MAP2K5: variants seen among roughly 807,000 people sequenced by gnomAD.
MAP2K5 encodes dual specificity mitogen-activated protein kinase kinase 5.
MAP2K5 carries 49 observed loss-of-function variants against 83.1 expected under a neutral mutation model. The ratio of observed to expected loss-of-function variants is 0.59; its 90% CI spans 0.47 to 0.75. MAP2K5 has a LOEUF of 0.75. Among genes scored for constraint, MAP2K5 ranks in the 30% least tolerant of loss-of-function variants. MAP2K5 has a pLI of 0.00. For synonymous variants in MAP2K5, 202 were observed against 191.8 expected (o/e 1.05, Z -0.44); for missense variants, 457 against 557.5 (o/e 0.82, Z 1.82).
Position 67,806,803 on chromosome 15 carries a change from A to T in MAP2K5, c.*53A>T. ...GACCAGTAACCAAGGAGAACAACCC[A>T]CCCGTCGCCCTTCTCCGTATGCTGC... On this transcript the variant is annotated 3_prime_UTR_variant, in exon 22 of 22. Coordinates refer to ENST00000178640, the MANE Select transcript of MAP2K5 (RefSeq NM_145160.3). The T allele has an allele frequency of 6.3e-7, 1 of 1,596,778 alleles. No individual in the cohort carries two copies. Among genetic ancestry groups the T allele is most frequent in the Non-Finnish European group, 8.5e-7 (1 of 1,178,526 alleles).
At position 67,806,690 on chromosome 15, in the gene MAP2K5, G is replaced by A. The variant is rs1230869169; in HGVS notation, c.1287G>A (p.Val429=). 1 of 1,551,810 alleles carries A rather than the reference G, an allele frequency of 6.4e-7. No individual in the cohort carries two copies. Among genetic ancestry groups the A allele is most frequent in the East Asian group, 2.4e-5 (1 of 41,010 alleles). ...IVQFNDGNAA[V]VSMWVCRALE... ...AGTTCAATGATGGAAATGCCGCCGT[G>A]GTGTCCATGTGGGTGTGCCGGGCGC... Residue 429 remains valine (V), a synonymous_variant, in exon 22 of 22, where the codon GTG becomes GTA. Coordinates refer to ENST00000178640, the MANE Select transcript of MAP2K5 (RefSeq NM_145160.3).
chr15:67,557,383 C>CA (rs1283049064), intron 2 of MAP2K5, among the ~76,000 whole-genome samples: 3 of 152,204 alleles, frequency 2.0e-5, no homozygotes, highest in African/African-American at 7.2e-5. Context: ...CTATTACACT[C>CA]ATGTATTCTA....
intron 13 of MAP2K5, among the ~76,000 whole-genome samples, chr15:67,671,991 C>T (rs1400664898): frequency 6.6e-6 from 1 of 151,846 alleles, no homozygotes; most frequent in East Asian, 1.9e-4. Flanking sequence ...AGGACATGAA[C>T]TCATCATTTT....
intron 3 of MAP2K5, among the ~76,000 whole-genome samples, chr15:67,570,548 T>C (rs1425815178): frequency 6.6e-6 from 1 of 152,244 alleles, no homozygotes; most frequent in Non-Finnish European, 1.5e-5. Flanking sequence ...ATTGGCTTCA[T>C]ATGTTATTTT....
chr15:67,663,079 T>C (rs1053380675), intron 12 of MAP2K5, among the ~76,000 whole-genome samples: 7 of 152,160 alleles, frequency 4.6e-5, no homozygotes, highest in Non-Finnish European at 7.4e-5. Context: ...TATAAACATG[T>C]TTTTTCCTGA....
intron 21 of MAP2K5, among the ~76,000 whole-genome samples, chr15:67,797,990 T>C (rs1206138719): frequency 6.6e-6 from 1 of 152,096 alleles, no homozygotes; most frequent in African/African-American, 2.4e-5. Context: ...GCCTAAAATG[T>C]TTTCTTACTC....
intron 4 of MAP2K5, among the ~76,000 whole-genome samples, chr15:67,581,564 A>G (rs2085179805): frequency 6.6e-6 from 1 of 152,248 alleles, no homozygotes; most frequent in Non-Finnish European, 1.5e-5. Flanking sequence ...TAACTAATGG[A>G]ACAGATAAGG....
rs1327467093 is a variant in MAP2K5, at chr15:67,652,467, C to G, written c.736+5998C>G. On this transcript the variant is annotated intron_variant, in intron 11 of 21. Coordinates refer to ENST00000178640, the MANE Select transcript of MAP2K5 (RefSeq NM_145160.3). This position sits in a 1 kb window ranked among gnomAD's most constrained non-coding sequence, Gnocchi z 4.2. ...GAGCAAGAGAGAGAGGAGGGAGGTCCCAGACACTTTTTAACAACCAAATCT... is the reference window on the plus strand; with the variant it reads ...GAGCAAGAGAGAGAGGAGGGAGGTCGCAGACACTTTTTAACAACCAAATCT... Among the ~76,000 whole-genome samples the G allele has an allele frequency of 6.6e-6, 1 of 152,044 alleles. No individual in the cohort carries two copies. The highest frequency in any genetic ancestry group is 2.4e-5 in the African/African-American group (1 of 41,400).
rs4300587 is a variant in MAP2K5, at chr15:67,698,035, T to G, written c.972+4467T>G. ...AAGTGTCATGCTCAAGGAAATACTG[T>G]TTTTTAGGGGCAGATAATTAATAGG... On this transcript the variant is annotated intron_variant, in intron 15 of 21. Transcript: ENST00000178640. This position sits in a 1 kb window ranked among gnomAD's most constrained non-coding sequence, Gnocchi z 4.5. Among the ~76,000 whole-genome samples, 2,876 of 152,210 alleles carry G rather than the reference T, an allele frequency of 0.019. 96 individuals carry two copies. Among genetic ancestry groups the G allele is most frequent in the African/African-American group, 0.065 (2,708 of 41,506 alleles).
At chr15:67,566,239 A>G (rs1048853059) in intron 3 of MAP2K5, among the ~76,000 whole-genome samples, 8 of 152,000 alleles carry the variant, frequency 5.3e-5, no homozygotes, top group African/African-American at 1.7e-4. Flanking sequence ...CAGTAGCCTG[A>G]TCTCGGCTCA....
At chr15:67,671,382 A>G (rs904896597) in intron 13 of MAP2K5, among the ~76,000 whole-genome samples, 1 of 152,198 alleles carries the variant, frequency 6.6e-6, no homozygotes, top group Non-Finnish European at 1.5e-5. Flanking sequence ...GTATTCCTTC[A>G]AAGTGGGAAA....
At chr15:67,545,339 C>T (rs1301219072) in intron 1 of MAP2K5, among the ~76,000 whole-genome samples, 4 of 152,176 alleles carry the variant, frequency 2.6e-5, no homozygotes, top group Non-Finnish European at 5.9e-5. Flanking sequence ...CCCCAAAATA[C>T]TTGTTTAAGA....
rs569111056 is a variant in MAP2K5 at position 67,722,375 on chromosome 15, A to G, written c.1045-5541A>G. ...TCTTTTTTTTTTTTTTTGGTCCTGC[A>G]TTACTAAATCCTCCACATTTAATTG... On this transcript the variant is annotated intron_variant, in intron 16 of 21. Transcript: ENST00000178640. The surrounding 1 kb of genome is among the most constrained non-coding windows in gnomAD (Gnocchi z 4.2). Among the ~76,000 whole-genome samples the G allele has an allele frequency of 6.7e-6, 1 of 148,800 alleles. No individual in the cohort carries two copies. Among genetic ancestry groups the G allele is most frequent in the South Asian group, 2.1e-4 (1 of 4,748 alleles).
intron 21 of MAP2K5, among the ~76,000 whole-genome samples, chr15:67,788,453 A>G (rs529948732): frequency 6.6e-6 from 1 of 152,210 alleles, no homozygotes; most frequent in Non-Finnish European, 1.5e-5. Flanking sequence ...TTGAAGGTAG[A>G]TGGGTAAGAG....
chr15:67,741,045 A>G (rs2089480437), intron 17 of MAP2K5, among the ~76,000 whole-genome samples: 1 of 151,848 alleles, frequency 6.6e-6, no homozygotes, highest in South Asian at 2.1e-4. Flanking sequence ...AAAAAAAAAA[A>G]AAAGTGAATG....
chr15:67,563,134 C>A lies in MAP2K5; in HGVS notation c.185-149C>A. The A allele has an allele frequency of 1.2e-6, 1 of 833,376 alleles. No individual in the cohort carries two copies. Among genetic ancestry groups the A allele is most frequent in the Non-Finnish European group, 1.7e-6 (1 of 581,666 alleles). 51.6% of individuals were successfully genotyped at this position (833,376 alleles called of 1,614,324 possible). A position where few individuals can be genotyped will look rare whatever the true frequency, so the allele number is the denominator to read the frequency against. On this transcript the variant is annotated intron_variant, in intron 2 of 21. Transcript: ENST00000178640. The surrounding 1 kb of genome is among the most constrained non-coding windows in gnomAD (Gnocchi z 4.5). Reference sequence around the variant, plus strand: ...TTCTGATCATATTCCAAATGGAAAACAAAACAACAAACTAATAATGTCAAC... The same window carrying A: ...TTCTGATCATATTCCAAATGGAAAAAAAAACAACAAACTAATAATGTCAAC...
rs527491774 is a variant in MAP2K5, at chr15:67,778,845, C to T, written c.1242+6093C>T. Among the ~76,000 whole-genome samples, 4 of 152,164 alleles carry T rather than the reference C, an allele frequency of 2.6e-5. No homozygotes were observed. Among genetic ancestry groups the T allele is most frequent in the Non-Finnish European group, 5.9e-5 (4 of 68,040 alleles). On this transcript the variant is annotated intron_variant, in intron 21 of 21. Coordinates refer to ENST00000178640, the MANE Select transcript of MAP2K5 (RefSeq NM_145160.3). This position sits in a 1 kb window ranked among gnomAD's most constrained non-coding sequence, Gnocchi z 5.0. ...TATGAAGAAAGGTGCATTTCCATAG[C>T]CCCCTTAGAGAGTGCTCATCCACCC...
At chr15:67,615,762 C>T (rs150194386) in intron 8 of MAP2K5, among the ~76,000 whole-genome samples, 3,475 of 152,118 alleles carry the variant, frequency 0.023, 44 homozygotes, top group Non-Finnish European at 0.034. Context: ...GTTACTGAAA[C>T]CATATCATTG....
rs1003827372 is a variant in MAP2K5 at position 67,638,730 on chromosome 15, A to G, written c.586-7501A>G. On this transcript the variant is annotated intron_variant, in intron 9 of 21. Transcript: ENST00000178640. This position sits in a 1 kb window ranked among gnomAD's most constrained non-coding sequence, Gnocchi z 4.5. Reference sequence around the variant, plus strand: ...CCTTTTTCTCCACAACCTTGCCAGCATCTGTTATTTTTTGACTTTTTAGTA... The same window carrying G: ...CCTTTTTCTCCACAACCTTGCCAGCGTCTGTTATTTTTTGACTTTTTAGTA... Among the ~76,000 whole-genome samples, 2 of 152,186 alleles carry G rather than the reference A, an allele frequency of 1.3e-5. No homozygotes were observed. The highest frequency in any genetic ancestry group is 6.5e-5 in the Admixed American group (1 of 15,274).
Sources: gnomAD v4.1 joint callset for allele counts (sites outside exome capture counted in the v4.1 genomes callset) on GRCh38, gnomAD v4.1.1 for gene constraint, Gnocchi (gnomAD v3.1) non-coding constraint, MANE v1.5 for transcripts, NCBI Gene and HGNC (gene_info 2026-07-23, HGNC 2026-07-21) for gene names.